The following ZNF83 variants were observed in gnomAD, a reference collection of about 807,000 sequenced individuals.
ZNF83 encodes the protein zinc finger protein 816B.
For missense variants in ZNF83, 552 were observed against 629.9 expected (o/e 0.88, Z 1.32); for synonymous variants, 209 against 213.0 (o/e 0.98, Z 0.17).
At chr19:52,626,927 C>T (rs2060761183) in intron 2 of ZNF83, among the ~76,000 whole-genome samples, 1 of 152,112 alleles carries the variant, frequency 6.6e-6, no homozygotes, top group African/African-American at 2.4e-5. Flanking sequence ...TGCAGGTATA[C>T]ATCCAGATGG....
chr19:52,632,173 C>T (rs675404), intron 2 of ZNF83, among the ~76,000 whole-genome samples: 119,357 of 152,090 alleles, frequency 0.78, 47,255 homozygotes, highest in African/African-American at 0.89. Flanking sequence ...TACAGTCTGA[C>T]AGCAGACCAG....
chr19:52,670,482 T>C (rs1600254983), intron 1 of ZNF83, among the ~76,000 whole-genome samples: 1 of 152,288 alleles, frequency 6.6e-6, no homozygotes, highest in East Asian at 1.9e-4. Flanking sequence ...TAAATTGCCT[T>C]TCTGAGAAGA....
intron 2 of ZNF83, among the ~76,000 whole-genome samples, chr19:52,620,216 ATGTGTGTATGTGTATATGTATATATGTG>A: frequency 7.3e-6 from 1 of 137,200 alleles, no homozygotes; most frequent in South Asian, 2.2e-4. Context: ...ATATATACGT[ATGTGTGTATGTGTATATGTATATATGTG>A]TGTGTATATC....
intron 1 of ZNF83, among the ~76,000 whole-genome samples, chr19:52,680,667 C>A (rs1034094375): frequency 8.5e-6 from 1 of 117,926 alleles, no homozygotes; most frequent in Non-Finnish European, 1.6e-5. Flanking sequence ...GGCTGGAGTG[C>A]AGTGGCGCGA....
intron 2 of ZNF83, among the ~76,000 whole-genome samples, chr19:52,615,913 G>A (rs7256557): frequency 0.38 from 57,024 of 151,998 alleles, 10,964 homozygotes; most frequent in Middle Eastern, 0.49. Flanking sequence ...ACCTCGGCTC[G>A]CTGCAACCTC....
At chr19:52,637,947 C>A (rs758375625) in intron 1 of ZNF83, among the ~76,000 whole-genome samples, 4 of 152,196 alleles carry the variant, frequency 2.6e-5, no homozygotes, top group Non-Finnish European at 5.9e-5. Flanking sequence ...GACTGGGGCC[C>A]TGGCGCTGCG....
intron 3 of ZNF83, chr19:52,654,543 C>A: frequency 2.3e-6 from 1 of 435,384 alleles, no homozygotes; most frequent in Admixed American, 4.1e-5. Flanking sequence ...TTAAGAACAC[C>A]CTGTCTCTAT....
intron 2 of ZNF83, among the ~76,000 whole-genome samples, chr19:52,628,508 C>T (rs187461384): frequency 8.9e-4 from 136 of 152,244 alleles, no homozygotes; most frequent in Non-Finnish European, 7.8e-4. Context: ...ACCCAAAACT[C>T]GGGCGCCGGT....
At chr19:52,685,649 C>T (rs549767215) in intron 1 of ZNF83, among the ~76,000 whole-genome samples, 1 of 152,098 alleles carries the variant, frequency 6.6e-6, no homozygotes, top group South Asian at 2.1e-4. Flanking sequence ...GTAATCCCAG[C>T]ACATTGGGAG....
chr19:52,621,550 G>A (rs1032348642), intron 2 of ZNF83, among the ~76,000 whole-genome samples: 1 of 149,462 alleles, frequency 6.7e-6, no homozygotes, highest in African/African-American at 2.6e-5. Flanking sequence ...CCACCTTGGT[G>A]GCAAGTACCA....
At chr19:52,680,699 G>T (rs946043426) in intron 1 of ZNF83, among the ~76,000 whole-genome samples, 6 of 127,966 alleles carry the variant, frequency 4.7e-5, no homozygotes, top group Admixed American at 8.8e-5. Flanking sequence ...TGCAAGCTCC[G>T]CCTCCCGGGT....
chr19:52,643,421 G>T (rs1291275045), intron 3 of ZNF83, among the ~76,000 whole-genome samples: 1 of 151,570 alleles, frequency 6.6e-6, no homozygotes, highest in African/African-American at 2.4e-5. Flanking sequence ...CTGAGCAACT[G>T]TCGGGCATGG....
intron 3 of ZNF83, chr19:52,654,189 C>A: frequency 1.9e-6 from 3 of 1,599,614 alleles, no homozygotes; most frequent in East Asian, 2.2e-5. Context: ...TACTACCAGT[C>A]AACTTTTTGA....
intron 2 of ZNF83, among the ~76,000 whole-genome samples, chr19:52,659,613 C>CAA (rs67918270): frequency 0.03 from 3,462 of 114,226 alleles, 205 homozygotes; most frequent in African/African-American, 0.1. Flanking sequence ...GACTCCAACT[C>CAA]AAAAAAAAAA....
intron 2 of ZNF83, among the ~76,000 whole-genome samples, chr19:52,622,155 G>A (rs1361845664): frequency 1.3e-5 from 2 of 151,480 alleles, no homozygotes; most frequent in Non-Finnish European, 2.9e-5. Flanking sequence ...CACCCAGTTC[G>A]GCTTACAATT....
intron 2 of ZNF83, among the ~76,000 whole-genome samples, chr19:52,631,947 T>G (rs1489714258): frequency 6.9e-6 from 1 of 144,582 alleles, no homozygotes; most frequent in African/African-American, 2.6e-5. Flanking sequence ...CCCCCTCCCT[T>G]CCCTACACAT....
chr19:52,617,985 G>A (rs1167775669), intron 2 of ZNF83: 2 of 152,272 alleles, frequency 1.3e-5, no homozygotes, highest in African/African-American at 4.8e-5. Flanking sequence ...TCTTTAAAGA[G>A]CACTGTAATA....
chr19:52,651,738 G>GA (rs997348343), intron 3 of ZNF83: 3 of 152,112 alleles, frequency 2.0e-5, no homozygotes, highest in Admixed American at 6.6e-5. Flanking sequence ...AAGAAGGAAA[G>GA]AAAAAACAGG....
At chr19:52,659,269 G>A (rs1280764382) in intron 2 of ZNF83, among the ~76,000 whole-genome samples, 1 of 151,956 alleles carries the variant, frequency 6.6e-6, no homozygotes, top group East Asian at 1.9e-4. Flanking sequence ...TGAGGAACGC[G>A]ACCCCCGAAA....
Sources: allele counts gnomAD v4.1 joint callset (sites outside exome capture counted in the v4.1 genomes callset), GRCh38; gene constraint gnomAD v4.1.1; transcripts MANE v1.5; gene names NCBI Gene and HGNC (gene_info 2026-07-23, HGNC 2026-07-21).